TAMM41: variants seen among roughly 807,000 people sequenced by gnomAD.
TAMM41 encodes the protein phosphatidate cytidylyltransferase, mitochondrial.
TAMM41 carries 36 observed loss-of-function variants against 44.1 expected under a neutral mutation model. The observed-to-expected ratio is 0.82, with a 90% confidence interval of 0.63 to 1.08. The LOEUF is 1.08. Ranked by LOEUF, TAMM41 falls within the 50% of genes least tolerant of loss-of-function variation. TAMM41 has a pLI of 0.00. For synonymous variants in TAMM41, 164 were observed against 153.1 expected (o/e 1.07, Z -0.53); for missense variants, 417 against 404.3 (o/e 1.03, Z -0.27).
chr3:11,808,753 G>T, intron 6 of TAMM41: 1 of 390,138 alleles, frequency 2.6e-6, no homozygotes, highest in Non-Finnish European at 3.5e-6. Flanking sequence ...AAGAGATACG[G>T]GCTGCTCTAT....
the TAMM41 span, among the ~76,000 whole-genome samples, chr3:11,730,020 C>T: frequency 6.6e-6 from 1 of 152,168 alleles, no homozygotes; most frequent in African/African-American, 2.4e-5. Context: ...GGTCCTACTT[C>T]TCATTGAACA....
At chr3:11,807,604 G>A in intron 7 of TAMM41, 1 of 1,536,146 alleles carries the variant, frequency 6.5e-7, no homozygotes, top group Non-Finnish European at 8.7e-7. Context: ...AGAAAATTCA[G>A]AAGGGCAGTA....
intron 5 of TAMM41, among the ~76,000 whole-genome samples, chr3:11,816,221 A>AG (rs2078271184): frequency 6.6e-6 from 1 of 152,064 alleles, no homozygotes; most frequent in Non-Finnish European, 1.5e-5. Context: ...TTAAAGGAAA[A>AG]AAAAAAAAAC....
chr3:11,733,378 C>G, the TAMM41 span, among the ~76,000 whole-genome samples: 1 of 152,102 alleles, frequency 6.6e-6, no homozygotes, highest in South Asian at 2.1e-4. Flanking sequence ...TGCCTGAGGC[C>G]TTTTACCCTT....
At chr3:11,790,266 C>T (rs1301785236), downstream of TAMM41, among the ~76,000 whole-genome samples, 3 of 152,220 alleles carry the variant, frequency 2.0e-5, no homozygotes, top group Non-Finnish European at 4.4e-5. Flanking sequence ...CAAAGCTATT[C>T]TGCAGGACCC....
the TAMM41 span, among the ~76,000 whole-genome samples, chr3:11,725,780 G>A: frequency 1.3e-5 from 2 of 152,068 alleles, no homozygotes; most frequent in Non-Finnish European, 2.9e-5. Context: ...ATGATTGCCG[G>A]CTGATCTCCC....
the TAMM41 span, among the ~76,000 whole-genome samples, chr3:11,747,840 T>G: frequency 6.6e-6 from 1 of 151,894 alleles, no homozygotes; most frequent in South Asian, 2.1e-4. Flanking sequence ...AGATGAGAAG[T>G]GTCTATTCAA....
At chr3:11,722,287 T>G in the TAMM41 span, among the ~76,000 whole-genome samples, 1 of 152,200 alleles carries the variant, frequency 6.6e-6, no homozygotes, top group Non-Finnish European at 1.5e-5. Context: ...TTAGCGTGAC[T>G]TAGCTCTGGC....
chr3:11,721,934 C>T, the TAMM41 span: 1 of 152,144 alleles, frequency 6.6e-6, no homozygotes, highest in Admixed American at 6.6e-5. Context: ...AGGTGGGCAC[C>T]TTATGAACAG....
rs150819094 is a variant in TAMM41 at position 11,809,616 on chromosome 3, T to C, written c.775A>G (p.Ile259Val). 6.2e-7 allele frequency: 1 copy of C among 1,614,064 alleles called. No individual in the cohort carries two copies. Among genetic ancestry groups the C allele is most frequent in the African/African-American group, 1.3e-5 (1 of 74,910 alleles). Residue 259 changes from isoleucine to valine, a missense_variant, in exon 6 of 8, where the codon ATA (isoleucine) becomes GTA (valine). Transcript: ENST00000455809. ...CCAGGAGGGTCCATAATATGATTTA[T>C]CTGTTGCTGTAAGGTTTTGGGCAAT... ...MTLPKTLQQQ[I>V]NHIMDPPGKN...
At chr3:11,824,199 A>AT (rs890025532) in intron 4 of TAMM41, among the ~76,000 whole-genome samples, 18 of 141,624 alleles carry the variant, frequency 1.3e-4, no homozygotes, top group Middle Eastern at 4.5e-3. Context: ...ATTTGTAAAT[A>AT]TTTTTTTTTT....
intron 4 of TAMM41, among the ~76,000 whole-genome samples, chr3:11,827,429 C>T (rs2078801250): frequency 6.6e-6 from 1 of 151,602 alleles, no homozygotes; most frequent in East Asian, 1.9e-4. Context: ...CCTGCCTCAA[C>T]CTCGCAAGTA....
downstream of TAMM41, among the ~76,000 whole-genome samples, chr3:11,788,588 C>G (rs1353228634): frequency 6.6e-6 from 1 of 152,164 alleles, no homozygotes; most frequent in African/African-American, 2.4e-5. Context: ...CATGCCCAGT[C>G]TATTTTGGGT....
At chr3:11,830,194 G>A (rs964009267) in intron 3 of TAMM41, among the ~76,000 whole-genome samples, 5 of 152,244 alleles carry the variant, frequency 3.3e-5, no homozygotes, top group African/African-American at 4.8e-5. Context: ...TCTCACTGTC[G>A]TCACTTAATT....
chr3:11,750,646 G>A, the TAMM41 span, among the ~76,000 whole-genome samples: 1 of 152,110 alleles, frequency 6.6e-6, no homozygotes, highest in Admixed American at 6.6e-5. Flanking sequence ...CAGATCTGGA[G>A]AATACTGACA....
chr3:11,819,440 T>C (rs1446769390), intron 4 of TAMM41, among the ~76,000 whole-genome samples: 1 of 152,220 alleles, frequency 6.6e-6, no homozygotes. Flanking sequence ...TATATAAAAT[T>C]GCTCACTGAA....
At position 11,807,652 on chromosome 3, in the gene TAMM41, C is replaced by T. The variant is rs905709918; in HGVS notation, c.937+181G>A. ...GCACTGCCAATGGTCTGACATTGTT[C>T]GACCACCAGGTTCTGCTGCTGTTAT... On this transcript the variant is annotated intron_variant, in intron 7 of 7. Transcript: ENST00000455809. 32 of 1,536,272 alleles carry T rather than the reference C, an allele frequency of 2.1e-5. No individual in the cohort carries two copies. In the African/African-American group the frequency reaches 2.2e-4, roughly 10 times the overall value.
At chr3:11,729,501 TTTTCTTTCTTTC>T in the TAMM41 span, among the ~76,000 whole-genome samples, 3 of 147,354 alleles carry the variant, frequency 2.0e-5, no homozygotes, top group Non-Finnish European at 4.5e-5. Flanking sequence ...TACCCTGTCT[TTTTCTTTCTTTC>T]TTTCTTTCTT....
intron 7 of TAMM41, among the ~76,000 whole-genome samples, chr3:11,796,648 G>A (rs1490440140): frequency 4.6e-5 from 7 of 152,078 alleles, no homozygotes; most frequent in Non-Finnish European, 8.8e-5. Flanking sequence ...CATACGAGCT[G>A]GCTGAAAAAC....
Sources: gnomAD v4.1 joint callset for allele counts (sites outside exome capture counted in the v4.1 genomes callset) on GRCh38, gnomAD v4.1.1 for gene constraint, MANE v1.5 for transcripts, NCBI Gene and HGNC (gene_info 2026-07-23, HGNC 2026-07-21) for gene names.